Variants in TRIQK observed in about 807,000 individuals in gnomAD.
TRIQK encodes triple QxxK/R motif containing, also known as triple QxxK/R motif-containing protein.
Under a neutral mutation model 10.8 loss-of-function variants are expected in TRIQK, and 10 were observed. That is an observed-to-expected ratio of 0.92 (90% CI 0.57 to 1.57). TRIQK has a LOEUF of 1.57. Among genes scored for constraint, TRIQK ranks in the 40% most tolerant of loss-of-function variants. TRIQK has a pLI of 0.00. For synonymous variants in TRIQK, 33 were observed against 33.7 expected, an observed-to-expected ratio of 0.98 and a Z score of 0.07; for missense variants, 107 against 97.7, an observed-to-expected ratio of 1.09 and a Z score of -0.40.
chr8:93,000,739 A>G (rs924847955), intron 1 of TRIQK, among the ~76,000 whole-genome samples: 4 of 152,210 alleles, frequency 2.6e-5, no homozygotes, highest in African/African-American at 9.6e-5. Context: ...AGTTGTTATC[A>G]GCTTAATATA....
chr8:92,884,592 G>A lies in TRIQK; in HGVS notation c.*2030C>T, dbSNP rs918419466. ...TTTTTCCCCAAAAAATACCTCAAGGGTAAAACAGAATGGTAAAGTTTTTTT... is the reference window on the plus strand; with the variant it reads ...TTTTTCCCCAAAAAATACCTCAAGGATAAAACAGAATGGTAAAGTTTTTTT... On this transcript the variant is annotated 3_prime_UTR_variant, in exon 5 of 5. Coordinates refer to ENST00000521988, the MANE Select transcript of TRIQK (RefSeq NM_001171797.2). 15 of 324,308 alleles carry A rather than the reference G, an allele frequency of 4.6e-5. No individual in the cohort carries two copies. In the Admixed American group the frequency reaches 6.1e-4, roughly 13 times the overall value. 20.1% of individuals were successfully genotyped at this position (324,308 alleles called of 1,614,324 possible).
intron 2 of TRIQK, among the ~76,000 whole-genome samples, chr8:92,918,648 C>T (rs944933291): frequency 1.3e-5 from 2 of 151,774 alleles, no homozygotes; most frequent in Admixed American, 6.6e-5. Context: ...TTTGCAAATA[C>T]TTTCTCATAT....
intron 3 of TRIQK, among the ~76,000 whole-genome samples, chr8:92,915,800 T>C (rs1480271003): frequency 1.3e-5 from 2 of 151,988 alleles, no homozygotes; most frequent in East Asian, 3.9e-4. Context: ...GCGCCCGGCC[T>C]GTACTATACA....
chr8:93,006,929 G>A (rs1813279562), intron 1 of TRIQK, among the ~76,000 whole-genome samples: 3 of 152,210 alleles, frequency 2.0e-5, no homozygotes, highest in Admixed American at 2.0e-4. Flanking sequence ...TCTCCCTGCT[G>A]GCTCTGAGGA....
chr8:92,942,653 C>T (rs1811327399), intron 2 of TRIQK, among the ~76,000 whole-genome samples: 1 of 152,096 alleles, frequency 6.6e-6, no homozygotes, highest in African/African-American at 2.4e-5. Flanking sequence ...CTAAAGATTC[C>T]ACTAGAGCTG....
At chr8:92,937,654 A>G (rs1184644557) in intron 2 of TRIQK, among the ~76,000 whole-genome samples, 2 of 148,014 alleles carry the variant, frequency 1.4e-5, no homozygotes, top group African/African-American at 5.0e-5. Context: ...CTTCACTTTT[A>G]TTAGTCATTC....
chr8:92,910,237 TCA>T (rs1809501156), intron 3 of TRIQK, among the ~76,000 whole-genome samples: 1 of 151,426 alleles, frequency 6.6e-6, no homozygotes, highest in Non-Finnish European at 1.5e-5. Flanking sequence ...GAGAAAGTAA[TCA>T]CATTTAGAAG....
At position 92,886,006 on chromosome 8, in the gene TRIQK, A is replaced by C. The variant is rs1462726162; in HGVS notation, c.*616T>G. 6.6e-6 allele frequency: 1 copy of C among 151,706 alleles called. No individual in the cohort carries two copies. The highest frequency in any genetic ancestry group is 1.5e-5 in the Non-Finnish European group (1 of 67,792). 9.4% of individuals were successfully genotyped at this position (151,706 alleles called of 1,614,324 possible). A position where few individuals can be genotyped will look rare whatever the true frequency, so the allele number is the denominator to read the frequency against. On this transcript the variant is annotated 3_prime_UTR_variant, in exon 5 of 5. Transcript: ENST00000521988. ...GACAGCCCAAGAGGAAAAGAACTCT[A>C]TTTTAGAGACATATGTGACTCTTTG...
chr8:93,007,679 C>G (rs111242376), intron 1 of TRIQK, among the ~76,000 whole-genome samples: 5 of 152,316 alleles, frequency 3.3e-5, no homozygotes, highest in African/African-American at 1.2e-4. Flanking sequence ...TTAAGAATAA[C>G]ATAAATGACC....
chr8:92,895,558 G>A (rs1469950500), intron 3 of TRIQK, among the ~76,000 whole-genome samples: 1 of 152,130 alleles, frequency 6.6e-6, no homozygotes, highest in Non-Finnish European at 1.5e-5. Context: ...TATTTGAGTA[G>A]TCATAATCAG....
At chr8:92,963,720 C>A (rs1812571840) in intron 1 of TRIQK, 1 of 151,826 alleles carries the variant, frequency 6.6e-6, no homozygotes, top group South Asian at 2.1e-4. Context: ...ATGAAGAAAC[C>A]CCGTCTGTAC....
intron 1 of TRIQK, among the ~76,000 whole-genome samples, chr8:92,964,322 T>C (rs1334606336): frequency 6.6e-6 from 1 of 152,046 alleles, no homozygotes; most frequent in Non-Finnish European, 1.5e-5. Flanking sequence ...AGGGTCCATT[T>C]AGGCTTAAAA....
At chr8:92,919,825 G>T (rs1563633260) in intron 2 of TRIQK, among the ~76,000 whole-genome samples, 1 of 151,556 alleles carries the variant, frequency 6.6e-6, no homozygotes, top group African/African-American at 2.4e-5. Context: ...TTCATTTTTG[G>T]TCTGTTCAAC....
At chr8:92,918,076 A>C (rs1286116057) in intron 2 of TRIQK, among the ~76,000 whole-genome samples, 1 of 152,096 alleles carries the variant, frequency 6.6e-6, no homozygotes, top group Non-Finnish European at 1.5e-5. Context: ...AAGGCTGAAT[A>C]ATATTCCACT....
chr8:92,985,184 G>T (rs533981693), intron 1 of TRIQK, among the ~76,000 whole-genome samples: 1 of 152,094 alleles, frequency 6.6e-6, no homozygotes, highest in African/African-American at 2.4e-5. Flanking sequence ...ACCATTTCTT[G>T]AACACATAGT....
chr8:92,888,440 C>T (rs901521282), intron 4 of TRIQK, among the ~76,000 whole-genome samples: 2 of 151,618 alleles, frequency 1.3e-5, no homozygotes, highest in Admixed American at 6.6e-5. Context: ...TAATTCATTA[C>T]ATCTGTTCAA....
At chr8:92,952,418 AACACACAC>A (rs143129049) in intron 2 of TRIQK, among the ~76,000 whole-genome samples, 3 of 148,108 alleles carry the variant, frequency 2.0e-5, no homozygotes, top group Admixed American at 1.4e-4. Context: ...ACAAAGATAA[AACACACAC>A]ACACACACAC....
chr8:92,978,259 C>A (rs1007203163), intron 1 of TRIQK, among the ~76,000 whole-genome samples: 1 of 152,214 alleles, frequency 6.6e-6, no homozygotes, highest in African/African-American at 2.4e-5. Flanking sequence ...TGTGCTGTGG[C>A]CTGGAAACTT....
intron 3 of TRIQK, among the ~76,000 whole-genome samples, chr8:92,893,186 A>G (rs1411988306): frequency 6.6e-6 from 1 of 152,050 alleles, no homozygotes; most frequent in African/African-American, 2.4e-5. Flanking sequence ...TATCATAAAA[A>G]TTTAATGTGC....
Sources: gnomAD v4.1 joint callset for allele counts (sites outside exome capture counted in the v4.1 genomes callset) on GRCh38, gnomAD v4.1.1 for gene constraint, MANE v1.5 for transcripts, NCBI Gene and HGNC (gene_info 2026-07-23, HGNC 2026-07-21) for gene names.